MUC13: variants seen among roughly 807,000 people sequenced by gnomAD.
MUC13 encodes the protein mucin 13, cell surface associated.
Under a neutral mutation model 48.3 loss-of-function variants are expected in MUC13, and 32 were observed. The ratio of observed to expected loss-of-function variants is 0.66; its 90% CI spans 0.50 to 0.89. MUC13 has a LOEUF of 0.89. MUC13 is among the 40% of genes least tolerant of loss of function. The pLI is 0.00. For synonymous variants in MUC13, 199 were observed against 224.9 expected (o/e 0.88, Z 1.03); for missense variants, 571 against 622.8 (o/e 0.92, Z 0.88).
intron 2 of MUC13, among the ~76,000 whole-genome samples, chr3:124,924,774 G>A (rs937917822): frequency 7.2e-5 from 11 of 152,174 alleles, no homozygotes; most frequent in African/African-American, 2.6e-4. Context: ...CCCTGTTTGA[G>A]CTGTTTTTTC....
At chr3:124,929,036 G>C (rs991156925) in intron 1 of MUC13, among the ~76,000 whole-genome samples, 3 of 152,174 alleles carry the variant, frequency 2.0e-5, no homozygotes, top group Non-Finnish European at 4.4e-5. Flanking sequence ...TTGACTAAGA[G>C]TAAGATGAAT....
intron 6 of MUC13, among the ~76,000 whole-genome samples, chr3:124,915,253 A>G (rs1935492689): frequency 6.6e-6 from 1 of 152,190 alleles, no homozygotes; most frequent in Non-Finnish European, 1.5e-5. Context: ...CAGTCATGAC[A>G]TCAATTTACT....
At chr3:124,918,746 AG>A in intron 5 of MUC13, among the ~76,000 whole-genome samples, 1 of 152,308 alleles carries the variant, frequency 6.6e-6, no homozygotes. Context: ...GTTTGTATCC[AG>A]TCATCCCCTA....
chr3:124,923,731 C>A, intron 2 of MUC13, 82 bp from the exon 3 acceptor site: 1 of 1,439,086 alleles, frequency 6.9e-7, no homozygotes, highest in Non-Finnish European at 9.5e-7. Context: ...CATCTTCATG[C>A]CTCCCCCCTG....
intron 2 of MUC13, among the ~76,000 whole-genome samples, chr3:124,926,581 T>G (rs541493338): frequency 6.6e-6 from 1 of 152,232 alleles, no homozygotes; most frequent in Non-Finnish European, 1.5e-5. Context: ...CTACCAGAAG[T>G]TAAGGGTAGG....
chr3:124,927,433 T>G (rs1032316229), intron 2 of MUC13, 99 bp downstream of exon 2: 1 of 1,169,850 alleles, frequency 8.5e-7, no homozygotes. Flanking sequence ...CTTGGGCCTC[T>G]TTAGACCCAT....
Position 124,905,875 on chromosome 3 carries a change from C to T in MUC13, c.*868G>A, listed in dbSNP as rs1935307580. On this transcript the variant is annotated 3_prime_UTR_variant, in exon 12 of 12. Coordinates refer to ENST00000616727, the MANE Select transcript of MUC13 (RefSeq NM_033049.4). ...GGAGGGCATGATTAGAGAAGTGCTC[C>T]TTTGCTGATGGAGGAGGGGACCTAA... 1 of 152,474 alleles carries T rather than the reference C, an allele frequency of 6.6e-6. No homozygotes were observed. The highest frequency in any genetic ancestry group is 2.1e-4 in the South Asian group (1 of 4,834). 9.4% of individuals were successfully genotyped at this position (152,474 alleles called of 1,614,324 possible).
At chr3:124,912,420 T>C (rs1044766046) in intron 8 of MUC13, among the ~76,000 whole-genome samples, 1 of 152,198 alleles carries the variant, frequency 6.6e-6, no homozygotes, top group African/African-American at 2.4e-5. Context: ...GATTCTGCAG[T>C]TCAGGCAAAG....
intron 4 of MUC13, among the ~76,000 whole-genome samples, chr3:124,920,720 AG>A (rs1236877342): frequency 1.3e-5 from 2 of 152,246 alleles, no homozygotes; most frequent in Non-Finnish European, 2.9e-5. Context: ...CTCAAAGTCA[AG>A]TTTGGGGAAA....
intron 1 of MUC13, among the ~76,000 whole-genome samples, chr3:124,934,129 C>A (rs779376602): frequency 6.6e-6 from 1 of 152,130 alleles, no homozygotes; most frequent in African/African-American, 2.4e-5. Flanking sequence ...CAAAGAGAAA[C>A]CTCTGGTTTG....
At chr3:124,917,120 G>A (rs1415886474) in intron 5 of MUC13, among the ~76,000 whole-genome samples, 1 of 152,032 alleles carries the variant, frequency 6.6e-6, no homozygotes, top group Non-Finnish European at 1.5e-5. Context: ...GCAAGACATT[G>A]TCACTGTCTC....
chr3:124,913,921 G>C (rs1935468367), intron 6 of MUC13, among the ~76,000 whole-genome samples: 1 of 152,068 alleles, frequency 6.6e-6, no homozygotes, highest in Non-Finnish European at 1.5e-5. Context: ...AGTTAGCTGG[G>C]CATGGTGGCA....
chr3:124,924,682 C>T (rs78521840), intron 2 of MUC13, among the ~76,000 whole-genome samples: 5,542 of 152,132 alleles, frequency 0.036, 153 homozygotes, highest in South Asian at 0.072. Flanking sequence ...ACAGAAGTTG[C>T]CTCTGGGGAA....
intron 10 of MUC13, among the ~76,000 whole-genome samples, chr3:124,909,263 A>C (rs774887510): frequency 6.6e-6 from 1 of 152,192 alleles, no homozygotes; most frequent in Non-Finnish European, 1.5e-5. Flanking sequence ...ATAAGATATG[A>C]ACTAAATGTT....
chr3:124,929,494 A>C (rs2107674051), intron 1 of MUC13, among the ~76,000 whole-genome samples: 1 of 152,362 alleles, frequency 6.6e-6, no homozygotes, highest in East Asian at 1.9e-4. Context: ...TGATTCCCCG[A>C]TGGGTCTATG....
chr3:124,913,750 A>AC (rs1221641110), intron 6 of MUC13, 69 bp from the exon 7 acceptor site: 2 of 1,577,256 alleles, frequency 1.3e-6, no homozygotes, highest in Admixed American at 1.7e-5. Flanking sequence ...TGTGAAAATT[A>AC]CCCCACCCCA....
chr3:124,917,352 ATT>A (rs55997120), intron 5 of MUC13, among the ~76,000 whole-genome samples: 1 of 144,744 alleles, frequency 6.9e-6, no homozygotes, highest in Admixed American at 6.9e-5. Context: ...CCTTTTTGAC[ATT>A]TTTTTTTTTT....
At chr3:124,910,388 T>A (rs768580093) in intron 10 of MUC13, 27 bp downstream of exon 10, 36 of 1,587,764 alleles carry the variant, frequency 2.3e-5, no homozygotes, top group African/African-American at 5.5e-5. Flanking sequence ...AAAAAAAAAA[T>A]TTAAAAAGGA....
intron 6 of MUC13, among the ~76,000 whole-genome samples, chr3:124,914,935 CAAACAAA>C (rs1935486165): frequency 1.3e-5 from 2 of 151,714 alleles, no homozygotes; most frequent in African/African-American, 4.8e-5. Context: ...AACAAATGAA[CAAACAAA>C]AAAGCAAACA....
Sources: gnomAD v4.1 joint callset for allele counts (sites outside exome capture counted in the v4.1 genomes callset) on GRCh38, gnomAD v4.1.1 for gene constraint, MANE v1.5 for transcripts, NCBI Gene and HGNC (gene_info 2026-07-23, HGNC 2026-07-21) for gene names.